Variants in COL21A1 observed in about 807,000 individuals in gnomAD.
COL21A1 encodes the protein collagen alpha-1(XXI) chain.
A neutral mutation model predicts 137.9 loss-of-function variants in COL21A1; 149 were observed. That is an observed-to-expected ratio of 1.08 (90% CI 0.95 to 1.24). The LOEUF is 1.24. COL21A1 is among the 50% of genes most tolerant of loss of function. The pLI is 0.00. For missense variants in COL21A1, 1,167 were observed against 1,158.4 expected, an observed-to-expected ratio of 1.01 and a Z score of -0.11; for synonymous variants, 456 against 391.5, an observed-to-expected ratio of 1.16 and a Z score of -1.95.
intron 1 of COL21A1, among the ~76,000 whole-genome samples, chr6:56,328,331 A>G (rs1765144775): frequency 6.6e-6 from 1 of 152,130 alleles, no homozygotes; most frequent in African/African-American, 2.4e-5. Flanking sequence ...AACTTTAGGT[A>G]CAACGCAGAA....
intron 1 of COL21A1, among the ~76,000 whole-genome samples, chr6:56,201,799 T>C (rs1234139049): frequency 6.6e-6 from 1 of 152,158 alleles, no homozygotes; most frequent in African/African-American, 2.4e-5. Context: ...ATTTCAATTT[T>C]TAAAATGACA....
chr6:56,320,217 CT>C (rs1035352059), intron 1 of COL21A1, among the ~76,000 whole-genome samples: 2 of 152,146 alleles, frequency 1.3e-5, no homozygotes, highest in Non-Finnish European at 2.9e-5. Flanking sequence ...CTTTCTTCCC[CT>C]AATACCCTAT....
At chr6:56,131,640 G>T in intron 12 of COL21A1, among the ~76,000 whole-genome samples, 1 of 152,098 alleles carries the variant, frequency 6.6e-6, no homozygotes, top group Non-Finnish European at 1.5e-5. Context: ...TAAACAAAGA[G>T]TGTAGTGGAT....
intron 17 of COL21A1, among the ~76,000 whole-genome samples, chr6:56,097,790 T>A (rs535142619): frequency 2.1e-4 from 25 of 118,186 alleles, no homozygotes; most frequent in African/African-American, 8.0e-4. Flanking sequence ...TATAAAAATA[T>A]ATATATAAAT....
chr6:56,130,168 TATATATATATATATATATATATATATATA>T (rs1773417012), intron 12 of COL21A1, among the ~76,000 whole-genome samples: 2 of 79,588 alleles, frequency 2.5e-5, no homozygotes, highest in Non-Finnish European at 5.0e-5. Flanking sequence ...CAGGGTTTTA[TATATATATATATATATATATATATATATA>T]TATATATATA....
At chr6:56,250,392 C>G (rs994040), upstream of COL21A1, among the ~76,000 whole-genome samples, 38,008 of 152,130 alleles carry the variant, frequency 0.25, 6,072 homozygotes, top group East Asian at 0.67. Context: ...TGGCTGGCCT[C>G]GGGGAAAGCT....
intron 1 of COL21A1, among the ~76,000 whole-genome samples, chr6:56,388,282 C>T (rs1406303604): frequency 3.3e-5 from 5 of 152,162 alleles, no homozygotes; most frequent in Admixed American, 6.5e-5. Flanking sequence ...GTAGTTGCTA[C>T]GGGCCTTGGG....
At chr6:56,217,880 G>A (rs1780587584) in intron 1 of COL21A1, among the ~76,000 whole-genome samples, 1 of 152,030 alleles carries the variant, frequency 6.6e-6, no homozygotes, top group African/African-American at 2.4e-5. Context: ...AAAGCACCAG[G>A]TATGTGATCC....
chr6:56,108,344 C>T (rs190603909), intron 16 of COL21A1, among the ~76,000 whole-genome samples: 1 of 152,072 alleles, frequency 6.6e-6, no homozygotes, highest in Admixed American at 6.5e-5. Flanking sequence ...ACCAACTCTA[C>T]ACTTGATACA....
intron 1 of COL21A1, among the ~76,000 whole-genome samples, chr6:56,325,994 ATAC>A (rs1765078138): frequency 2.4e-4 from 1 of 4,212 alleles, no homozygotes; most frequent in Non-Finnish European, 4.9e-4. Flanking sequence ...ATATATGTAT[ATAC>A]ATACATATAT....
At chr6:56,372,250 TG>T (rs2093990869) in intron 1 of COL21A1, among the ~76,000 whole-genome samples, 1 of 152,192 alleles carries the variant, frequency 6.6e-6, no homozygotes, top group Non-Finnish European at 1.5e-5. Context: ...ACATAGAGCA[TG>T]GATTTCATGC....
chr6:56,237,005 T>G (rs1582707566), intron 1 of COL21A1, among the ~76,000 whole-genome samples: 1 of 152,084 alleles, frequency 6.6e-6, no homozygotes, highest in South Asian at 2.1e-4. Context: ...AAACAATGGT[T>G]ATAAAAACTG....
intron 7 of COL21A1, among the ~76,000 whole-genome samples, chr6:56,165,264 T>C (rs940216764): frequency 6.6e-6 from 1 of 152,208 alleles, no homozygotes; most frequent in African/African-American, 2.4e-5. Context: ...GTCTGTGTTT[T>C]ATTAAATAAC....
chr6:56,061,521 A>T, intron 25 of COL21A1, 128 bp downstream of exon 25: 2 of 520,364 alleles, frequency 3.8e-6, no homozygotes, highest in Non-Finnish European at 6.9e-6. Flanking sequence ...GGGAACTTCT[A>T]CTGAAGAAGA....
chr6:56,353,240 G>T, intron 1 of COL21A1, among the ~76,000 whole-genome samples: 1 of 152,302 alleles, frequency 6.6e-6, no homozygotes, highest in South Asian at 2.1e-4. Context: ...TCTGAAGCTA[G>T]ATAAGAAGAG....
At chr6:56,226,365 T>C (rs1009665210) in intron 1 of COL21A1, among the ~76,000 whole-genome samples, 10 of 152,100 alleles carry the variant, frequency 6.6e-5, no homozygotes, top group Admixed American at 6.6e-4. Flanking sequence ...CATCTACTAA[T>C]GATTCTACTG....
intron 28 of COL21A1, 52 bp downstream of exon 28, chr6:56,059,966 T>G: frequency 6.9e-7 from 1 of 1,442,294 alleles, no homozygotes; most frequent in Non-Finnish European, 9.5e-7. Flanking sequence ...GGTATGAATT[T>G]TTAAAAAAAG....
chr6:56,373,807 A>G (rs367543865), intron 1 of COL21A1, among the ~76,000 whole-genome samples: 56 of 152,360 alleles, frequency 3.7e-4, no homozygotes, highest in African/African-American at 1.3e-3. Context: ...ATTATTATTA[A>G]CCAGTGAGGG....
At chr6:56,298,643 A>G (rs1172286423) in intron 1 of COL21A1, among the ~76,000 whole-genome samples, 1 of 152,102 alleles carries the variant, frequency 6.6e-6, no homozygotes, top group Non-Finnish European at 1.5e-5. Flanking sequence ...GGATAGAGCC[A>G]GTTCTAATTA....
Sources: allele counts gnomAD v4.1 joint callset (sites outside exome capture counted in the v4.1 genomes callset), GRCh38; gene constraint gnomAD v4.1.1; transcripts MANE v1.5; gene names NCBI Gene and HGNC (gene_info 2026-07-23, HGNC 2026-07-21).